Variants in KIF18A observed in about 807,000 individuals in gnomAD.
The protein encoded by KIF18A is kinesin-like protein KIF18A.
In KIF18A, 67 loss-of-function variants were observed where a neutral mutation model predicts 103.3. The observed-to-expected ratio is 0.65, with a 90% CI of 0.53 to 0.79. The LOEUF (loss-of-function observed/expected upper bound fraction) is 0.79, where lower values mean the gene tolerates loss of function less well. Among genes scored for constraint, KIF18A ranks in the 30% least tolerant of loss-of-function variants. KIF18A has a pLI of 0.00. For missense variants in KIF18A, 1,032 were observed against 1,062.5 expected, an observed-to-expected ratio of 0.97 and a Z score of 0.40; for synonymous variants, 367 against 355.5, an observed-to-expected ratio of 1.03 and a Z score of -0.36.
At chr11:28,022,732 G>A (rs1176762631) in intron 16 of KIF18A, among the ~76,000 whole-genome samples, 1 of 152,092 alleles carries the variant, frequency 6.6e-6, no homozygotes, top group African/African-American at 2.4e-5. Flanking sequence ...GGTAAATTTT[G>A]TACTTTACTA....
chr11:28,057,494 G>A (rs1467779487), intron 13 of KIF18A, among the ~76,000 whole-genome samples: 14 of 152,000 alleles, frequency 9.2e-5, no homozygotes, highest in Admixed American at 9.2e-4. Flanking sequence ...CAGCCTGGGT[G>A]ACAGAGCGAG....
At chr11:28,032,751 A>C (rs928149676) in intron 15 of KIF18A, among the ~76,000 whole-genome samples, 1 of 151,888 alleles carries the variant, frequency 6.6e-6, no homozygotes, top group African/African-American at 2.4e-5. Flanking sequence ...TAAGACCTCA[A>C]ACTATGAAAC....
intron 1 of KIF18A, among the ~76,000 whole-genome samples, chr11:28,106,551 C>CAAAAA (rs11301094): frequency 1.2e-5 from 1 of 82,326 alleles, no homozygotes. Context: ...CAGTTGTCAG[C>CAAAAA]AAAAAAAAAA....
intron 15 of KIF18A, among the ~76,000 whole-genome samples, chr11:28,028,954 A>G (rs1358379522): frequency 6.6e-6 from 1 of 152,206 alleles, no homozygotes; most frequent in African/African-American, 2.4e-5. Flanking sequence ...TCCTGGACAC[A>G]TACACCCTCC....
intron 1 of KIF18A, among the ~76,000 whole-genome samples, chr11:28,103,051 G>T (rs565640860): frequency 6.6e-6 from 1 of 152,072 alleles, no homozygotes; most frequent in African/African-American, 2.4e-5. Flanking sequence ...TATAGCCTCT[G>T]ATCAATTTTG....
intron 4 of KIF18A, among the ~76,000 whole-genome samples, chr11:28,091,015 A>T (rs1192591407): frequency 1.3e-5 from 2 of 152,000 alleles, no homozygotes; most frequent in Non-Finnish European, 2.9e-5. Context: ...TGGGAGGCTG[A>T]GGCAGGCAGA....
intron 10 of KIF18A, among the ~76,000 whole-genome samples, chr11:28,075,335 G>A (rs889590126): frequency 2.0e-5 from 3 of 152,134 alleles, no homozygotes; most frequent in African/African-American, 4.8e-5. Flanking sequence ...CCTAGGAGCT[G>A]TGTCACCTTG....
chr11:28,043,399 A>C (rs1478431271), intron 13 of KIF18A, among the ~76,000 whole-genome samples: 1 of 151,982 alleles, frequency 6.6e-6, no homozygotes, highest in African/African-American at 2.4e-5. Flanking sequence ...ATAAGCAAAC[A>C]GAAAACTCAC....
intron 10 of KIF18A, among the ~76,000 whole-genome samples, chr11:28,071,670 A>G (rs1851016584): frequency 6.6e-6 from 1 of 152,060 alleles, no homozygotes; most frequent in African/African-American, 2.4e-5. Flanking sequence ...AATTTTTAAA[A>G]GCAGAAAGGG....
intron 4 of KIF18A, 55 bp from the exon 5 acceptor site, chr11:28,090,782 T>C: frequency 1.2e-6 from 1 of 821,062 alleles, no homozygotes; most frequent in South Asian, 1.5e-5. Flanking sequence ...ATCTTTAAAT[T>C]TTTCAATAAA....
At chr11:28,057,287 G>A (rs1440525475) in intron 13 of KIF18A, among the ~76,000 whole-genome samples, 1 of 152,038 alleles carries the variant, frequency 6.6e-6, no homozygotes, top group Non-Finnish European at 1.5e-5. Context: ...AGGCCGAGGT[G>A]GATGGATCAC....
At chr11:28,029,256 A>T (rs1352305469) in intron 15 of KIF18A, among the ~76,000 whole-genome samples, 2 of 152,174 alleles carry the variant, frequency 1.3e-5, no homozygotes, top group Admixed American at 1.3e-4. Context: ...ATATCCCTGA[A>T]GAACATTGAT....
chr11:28,105,858 G>A (rs950121608), intron 1 of KIF18A, among the ~76,000 whole-genome samples: 4 of 152,142 alleles, frequency 2.6e-5, no homozygotes, highest in African/African-American at 9.7e-5. Context: ...TCTGTCTCAT[G>A]CATTATAGTA....
In KIF18A at chr11:28,091,470, G is replaced by A; in HGVS notation, c.527C>T (p.Pro176Leu). 1 of 1,610,940 alleles carries A rather than the reference G, an allele frequency of 6.2e-7. No individual in the cohort carries two copies. The highest frequency in any genetic ancestry group is 8.5e-7 in the Non-Finnish European group (1 of 1,177,810). The change falls in exon 4 of 17, where the codon CCA (proline) becomes CTA (leucine). Residue 176 changes from proline (P) to leucine (L), a missense_variant. Transcript: ENST00000263181. ...QIRDLLVNSG[P>L]LAVREDTQKG... ...TTGGGTATCTTCCCGGACAGCAAGT[G>A]GCCCTGAATTTACTAAGAGATCACG...
intron 13 of KIF18A, among the ~76,000 whole-genome samples, chr11:28,038,935 A>G (rs1472078830): frequency 6.6e-6 from 1 of 151,686 alleles, no homozygotes; most frequent in East Asian, 1.9e-4. Flanking sequence ...TTTGGTGGCT[A>G]TTAATAGCTG....
At chr11:28,085,584 C>T (rs1244532050) in intron 6 of KIF18A, among the ~76,000 whole-genome samples, 1 of 152,116 alleles carries the variant, frequency 6.6e-6, no homozygotes, top group African/African-American at 2.4e-5. Flanking sequence ...GGAAGGGTCC[C>T]CTGTCCTATG....
intron 9 of KIF18A, among the ~76,000 whole-genome samples, chr11:28,081,510 G>A (rs1435063162): frequency 6.6e-6 from 1 of 152,120 alleles, no homozygotes; most frequent in Non-Finnish European, 1.5e-5. Context: ...CTAGAGGACA[G>A]CACATCCGTT....
intron 16 of KIF18A, among the ~76,000 whole-genome samples, chr11:28,022,459 G>A (rs1430597952): frequency 6.6e-6 from 1 of 151,964 alleles, no homozygotes; most frequent in African/African-American, 2.4e-5. Context: ...GGTAGAGACG[G>A]GGTTTCACCA....
chr11:28,030,384 A>G (rs994179050), intron 15 of KIF18A, among the ~76,000 whole-genome samples: 2 of 151,894 alleles, frequency 1.3e-5, no homozygotes, highest in African/African-American at 2.4e-5. Context: ...CCATACATCT[A>G]CAACCATCTG....
Sources: allele counts gnomAD v4.1 joint callset (sites outside exome capture counted in the v4.1 genomes callset), GRCh38; gene constraint gnomAD v4.1.1; transcripts MANE v1.5; gene names NCBI Gene and HGNC (gene_info 2026-07-23, HGNC 2026-07-21).